CCDC102B: variants seen among roughly 807,000 people sequenced by gnomAD.
The protein encoded by CCDC102B is coiled-coil domain-containing protein 102B.
In CCDC102B, 75 loss-of-function variants were observed where a neutral mutation model predicts 57.4. The ratio of observed to expected loss-of-function variants is 1.31; its 90% CI spans 1.08 to 1.58. The LOEUF (loss-of-function observed/expected upper bound fraction) is 1.58. Ranked by LOEUF, CCDC102B falls within the 40% of genes most tolerant of loss-of-function variation. The pLI is 0.00. For synonymous variants in CCDC102B, 206 were observed against 201.9 expected (o/e 1.02, Z -0.17); for missense variants, 636 against 582.6 (o/e 1.09, Z -0.94).
chr18:68,730,657 A>G (rs554155721), intron 2 of CCDC102B, among the ~76,000 whole-genome samples: 72 of 152,252 alleles, frequency 4.7e-4, no homozygotes, highest in African/African-American at 1.7e-3. Flanking sequence ...GTAATCTCAC[A>G]CTCGTTCATA....
At chr18:69,052,921 G>C (rs2052744495) in intron 7 of CCDC102B, among the ~76,000 whole-genome samples, 1 of 151,726 alleles carries the variant, frequency 6.6e-6, no homozygotes, top group African/African-American at 2.4e-5. Context: ...AAGTAATCTA[G>C]AGATAATTTA....
intron 1 of CCDC102B, among the ~76,000 whole-genome samples, chr18:68,804,537 A>C (rs2035966559): frequency 6.6e-6 from 1 of 152,166 alleles, no homozygotes; most frequent in African/African-American, 2.4e-5. Context: ...AGAGGTGTGA[A>C]GCTGAGACAG....
At chr18:68,908,337 G>A (rs193203919) in intron 6 of CCDC102B, 1 of 152,286 alleles carries the variant, frequency 6.6e-6, no homozygotes, top group Admixed American at 6.5e-5. Flanking sequence ...CCATATTTAA[G>A]TTGTCTGTTA....
intron 2 of CCDC102B, among the ~76,000 whole-genome samples, chr18:68,750,007 GA>G (rs1261379406): frequency 6.6e-6 from 1 of 151,720 alleles, no homozygotes; most frequent in African/African-American, 2.4e-5. Context: ...TACAGAATGG[GA>G]AAAAAATTTT....
chr18:68,771,907 C>CACACACAT (rs1555699095), intron 2 of CCDC102B, among the ~76,000 whole-genome samples: 3 of 151,402 alleles, frequency 2.0e-5, no homozygotes, highest in African/African-American at 7.3e-5. Context: ...CACACACACA[C>CACACACAT]ATCTTCTGGA....
intron 6 of CCDC102B, among the ~76,000 whole-genome samples, chr18:68,954,096 G>A (rs1434838628): frequency 6.6e-6 from 1 of 151,816 alleles, no homozygotes; most frequent in Admixed American, 6.6e-5. Context: ...TTAGGAAATG[G>A]CATTTGCATA....
chr18:68,762,792 C>G (rs2034296226), intron 2 of CCDC102B, among the ~76,000 whole-genome samples: 1 of 152,038 alleles, frequency 6.6e-6, no homozygotes, highest in Non-Finnish European at 1.5e-5. Context: ...CATGATAAAT[C>G]TTTAGTTAGA....
intron 2 of CCDC102B, among the ~76,000 whole-genome samples, chr18:68,731,829 G>C (rs947583679): frequency 2.0e-5 from 3 of 148,500 alleles, no homozygotes; most frequent in Admixed American, 1.4e-4. Flanking sequence ...TGAAATCTCT[G>C]AACACCATTT....
chr18:68,900,292 G>A (rs2040399609), intron 6 of CCDC102B: 1 of 152,100 alleles, frequency 6.6e-6, no homozygotes. Context: ...AAAAACATAA[G>A]TAAATCCAAG....
At chr18:69,052,821 T>A (rs558837280) in intron 7 of CCDC102B, among the ~76,000 whole-genome samples, 2 of 151,916 alleles carry the variant, frequency 1.3e-5, no homozygotes, top group Non-Finnish European at 2.9e-5. Context: ...ACTGAACATG[T>A]ACAGATTTTT....
chr18:68,825,076 G>T (rs1255011359), intron 1 of CCDC102B, among the ~76,000 whole-genome samples: 1 of 152,008 alleles, frequency 6.6e-6, no homozygotes, highest in African/African-American at 2.4e-5. Flanking sequence ...TTCATTGTTA[G>T]ATGCCAAATA....
chr18:68,853,026 CTCTG>C (rs1172533952), intron 4 of CCDC102B, among the ~76,000 whole-genome samples: 8 of 152,246 alleles, frequency 5.3e-5, no homozygotes, highest in Non-Finnish European at 4.4e-5. Flanking sequence ...TTGTTAATAT[CTCTG>C]TCTGTTTCCA....
chr18:68,843,413 T>C lies in CCDC102B; in HGVS notation c.828-2900T>C, dbSNP rs763091295. ...TAATATTTATTCCTAGATATTAATT[T>C]TTAGGACCTTTCATCTATGAGAAAT... On this transcript the variant is annotated intron_variant, in intron 3 of 7. Transcript: ENST00000360242. Among the ~76,000 whole-genome samples, 13 of 152,232 alleles carry C rather than the reference T, an allele frequency of 8.5e-5. No homozygotes were observed. In the Middle Eastern group the frequency reaches 0.017, roughly 199 times the overall value.
At chr18:68,748,771 T>C (rs1807341635) in intron 2 of CCDC102B, among the ~76,000 whole-genome samples, 1 of 152,200 alleles carries the variant, frequency 6.6e-6, no homozygotes, top group Admixed American at 6.5e-5. Flanking sequence ...GTGTAAATTA[T>C]TTATGTAGTA....
At chr18:68,866,705 T>G in intron 4 of CCDC102B, 1 of 511,776 alleles carries the variant, frequency 2.0e-6, no homozygotes, top group South Asian at 1.7e-5. Context: ...GTTTGGCCTC[T>G]TCTCATGACG....
intron 1 of CCDC102B, among the ~76,000 whole-genome samples, chr18:68,801,942 A>G (rs1426945781): frequency 3.3e-5 from 5 of 152,086 alleles, no homozygotes; most frequent in African/African-American, 9.7e-5. Context: ...TGAATTTTCT[A>G]TCTTCTTTTG....
intron 6 of CCDC102B, among the ~76,000 whole-genome samples, chr18:68,905,659 A>C (rs955029393): frequency 6.6e-6 from 1 of 152,096 alleles, no homozygotes; most frequent in African/African-American, 2.4e-5. Flanking sequence ...AGCGTGATGC[A>C]GTAACTCCTC....
At chr18:68,988,769 T>A (rs2050790444) in intron 6 of CCDC102B, among the ~76,000 whole-genome samples, 1 of 152,210 alleles carries the variant, frequency 6.6e-6, no homozygotes, top group Admixed American at 6.5e-5. Flanking sequence ...ATTGTACCAT[T>A]ATATTGCATG....
intron 3 of CCDC102B, among the ~76,000 whole-genome samples, chr18:68,842,645 G>C (rs1055131917): frequency 2.0e-5 from 3 of 152,066 alleles, no homozygotes; most frequent in African/African-American, 7.2e-5. Context: ...AAGACAACTT[G>C]TTTCCAGAGG....
Sources: allele counts gnomAD v4.1 joint callset (sites outside exome capture counted in the v4.1 genomes callset), GRCh38; gene constraint gnomAD v4.1.1; transcripts MANE v1.5; gene names NCBI Gene and HGNC (gene_info 2026-07-23, HGNC 2026-07-21).